Variants in ANO6 observed in about 807,000 individuals in gnomAD.
The protein encoded by ANO6 is anoctamin-6.
Under a neutral mutation model 117.5 loss-of-function variants are expected in ANO6, and 106 were observed. The ratio of observed to expected loss-of-function variants is 0.90; its 90% CI spans 0.77 to 1.06. ANO6 has a LOEUF of 1.06. ANO6 is among the 50% of genes least tolerant of loss of function. The pLI is 0.00. For synonymous variants in ANO6, 367 were observed against 385.1 expected, an observed-to-expected ratio of 0.95 and a Z score of 0.55; for missense variants, 955 against 1,121.1, an observed-to-expected ratio of 0.85 and a Z score of 2.12.
At chr12:45,317,107 T>TTATGTGTGTGTGTGTGTGTATA (rs1185224135) in intron 2 of ANO6, among the ~76,000 whole-genome samples, 1 of 12,466 alleles carries the variant, frequency 8.0e-5, no homozygotes, top group African/African-American at 8.9e-5. Context: ...TGGATTCTTT[T>TTATGTGTGTGTGTGTGTGTATA]TATATGTATA....
chr12:45,292,409 T>C (rs143593484), intron 1 of ANO6, among the ~76,000 whole-genome samples: 56 of 152,304 alleles, frequency 3.7e-4, no homozygotes, highest in African/African-American at 1.3e-3. Flanking sequence ...TGCAACATTG[T>C]GAATGTAATT....
At chr12:45,216,516 G>C (rs1947314925) in intron 1 of ANO6, 125 bp downstream of exon 1, 29 of 1,110,412 alleles carry the variant, frequency 2.6e-5, no homozygotes, top group Non-Finnish European at 3.3e-5. Context: ...GCCGCTCCGG[G>C]CAGGGGAGGA....
intron 8 of ANO6, among the ~76,000 whole-genome samples, chr12:45,364,304 A>G (rs1400677460): frequency 2.0e-5 from 3 of 152,202 alleles, no homozygotes; most frequent in Non-Finnish European, 2.9e-5. Context: ...TTTATCCTAC[A>G]TGGAATTTGT....
chr12:45,289,106 G>A (rs956211900), intron 1 of ANO6, among the ~76,000 whole-genome samples: 2 of 150,588 alleles, frequency 1.3e-5, no homozygotes, highest in Non-Finnish European at 3.0e-5. Context: ...AAGCAATCAA[G>A]TATTTCCTAG....
At chr12:45,318,238 A>G (rs1681528350) in intron 2 of ANO6, among the ~76,000 whole-genome samples, 1 of 152,152 alleles carries the variant, frequency 6.6e-6, no homozygotes, top group Non-Finnish European at 1.5e-5. Context: ...GTTTTCTTCT[A>G]GGGTTTTTAT....
At chr12:45,385,760 A>G (rs1365633332) in intron 10 of ANO6, among the ~76,000 whole-genome samples, 3 of 152,228 alleles carry the variant, frequency 2.0e-5, no homozygotes, top group Non-Finnish European at 4.4e-5. Flanking sequence ...CTCAGTAGCC[A>G]TCACCCTCTA....
rs931621826 is a variant in ANO6 at position 45,295,770 on chromosome 12, A to G, written c.71-6244A>G. On this transcript the variant is annotated intron_variant, in intron 1 of 19. Transcript: ENST00000320560. ...GAGACGGGGTTTCACCACTTTAGCC[A>G]GGGTGGTCTCGAACTCCTTACCTCA... Among the ~76,000 whole-genome samples, 5 of 152,194 alleles carry G rather than the reference A, an allele frequency of 3.3e-5. No homozygotes were observed. In the South Asian group the frequency reaches 8.3e-4, roughly 25 times the overall value.
intron 16 of ANO6, among the ~76,000 whole-genome samples, chr12:45,409,981 C>T (rs1266668987): frequency 6.6e-6 from 1 of 152,206 alleles, no homozygotes; most frequent in Admixed American, 6.5e-5. Context: ...GTCTCAAACT[C>T]CTGGGCTCAA....
chr12:45,283,929 G>A (rs560764644), intron 1 of ANO6, among the ~76,000 whole-genome samples: 1 of 152,174 alleles, frequency 6.6e-6, no homozygotes, highest in Non-Finnish European at 1.5e-5. Flanking sequence ...TGGTTTAGGG[G>A]TGTCAAGGCC....
At chr12:45,331,773 A>G (rs1271467798) in intron 3 of ANO6, among the ~76,000 whole-genome samples, 1 of 152,064 alleles carries the variant, frequency 6.6e-6, no homozygotes, top group Non-Finnish European at 1.5e-5. Context: ...TGTAATAACA[A>G]CTAGCTTTCA....
intron 1 of ANO6, among the ~76,000 whole-genome samples, chr12:45,245,781 T>A (rs1947815905): frequency 6.6e-6 from 1 of 152,150 alleles, no homozygotes; most frequent in South Asian, 2.1e-4. Flanking sequence ...AATGGAAATC[T>A]TATGATTTCA....
At chr12:45,438,390 TC>T (rs775512735) in intron 19 of ANO6, among the ~76,000 whole-genome samples, 3 of 152,112 alleles carry the variant, frequency 2.0e-5, no homozygotes, top group Non-Finnish European at 2.9e-5. Flanking sequence ...AGATTGAGCA[TC>T]CCAAATCCAA....
At chr12:45,221,060 G>GTT (rs910777206) in intron 1 of ANO6, among the ~76,000 whole-genome samples, 3 of 110,248 alleles carry the variant, frequency 2.7e-5, no homozygotes, top group African/African-American at 1.6e-4. Flanking sequence ...TGTCGGAAGT[G>GTT]GGGGGGGGCA....
intron 1 of ANO6, among the ~76,000 whole-genome samples, chr12:45,240,107 A>C (rs866863110): frequency 6.6e-6 from 1 of 152,088 alleles, no homozygotes; most frequent in Admixed American, 6.6e-5. Flanking sequence ...TGATCTGTCT[A>C]ATATTGACAG....
At chr12:45,380,366 G>A (rs1339550701) in intron 10 of ANO6, among the ~76,000 whole-genome samples, 1 of 152,204 alleles carries the variant, frequency 6.6e-6, no homozygotes, top group Non-Finnish European at 1.5e-5. Flanking sequence ...CCTTTGAGGG[G>A]TGAGTTCTAA....
intron 1 of ANO6, among the ~76,000 whole-genome samples, chr12:45,256,165 C>T (rs1450686055): frequency 6.6e-6 from 1 of 152,056 alleles, no homozygotes; most frequent in Non-Finnish European, 1.5e-5. Flanking sequence ...TTTTTATGAT[C>T]AGGATGCTAT....
chr12:45,371,946 G>T (rs1300449005), intron 9 of ANO6, among the ~76,000 whole-genome samples: 5 of 151,732 alleles, frequency 3.3e-5, no homozygotes, highest in Non-Finnish European at 5.9e-5. Context: ...CAAAGGCAAA[G>T]AAGTTGAAAA....
chr12:45,396,343 G>C (rs529993830), intron 12 of ANO6, among the ~76,000 whole-genome samples: 11 of 152,200 alleles, frequency 7.2e-5, no homozygotes, highest in African/African-American at 2.6e-4. Flanking sequence ...AAATAAAAGA[G>C]AACACAAACA....
intron 9 of ANO6, 125 bp from the exon 10 acceptor site, chr12:45,377,928 T>C (rs1023650195): frequency 2.3e-6 from 2 of 860,324 alleles, no homozygotes; most frequent in Non-Finnish European, 3.9e-6. Context: ...TCATAGATGA[T>C]TGTTAAACTA....
Sources: allele counts gnomAD v4.1 joint callset (sites outside exome capture counted in the v4.1 genomes callset), GRCh38; gene constraint gnomAD v4.1.1; transcripts MANE v1.5; gene names NCBI Gene and HGNC (gene_info 2026-07-23, HGNC 2026-07-21).